Variants in PSMD1 observed in about 807,000 individuals in gnomAD.
PSMD1 encodes proteasome 26S subunit, non-ATPase 1.
Under a neutral mutation model 119.0 loss-of-function variants are expected in PSMD1, and 18 were observed. The observed-to-expected ratio is 0.15, with a 90% CI of 0.10 to 0.22. The LOEUF is 0.22. Among genes scored for constraint, PSMD1 ranks in the 10% least tolerant of loss-of-function variants. The pLI is 1.00. For missense variants in PSMD1, 702 were observed against 1,158.5 expected, an observed-to-expected ratio of 0.61 and a Z score of 5.72; for synonymous variants, 374 against 396.6, an observed-to-expected ratio of 0.94 and a Z score of 0.68.
At chr2:231,157,887 G>A (rs1696549652) in intron 19 of PSMD1, among the ~76,000 whole-genome samples, 1 of 151,964 alleles carries the variant, frequency 6.6e-6, no homozygotes, top group African/African-American at 2.4e-5. Flanking sequence ...GTTCTATACT[G>A]TAGTGTTCAC....
intron 4 of PSMD1, among the ~76,000 whole-genome samples, chr2:231,064,525 G>A (rs1014331685): frequency 1.3e-5 from 2 of 152,156 alleles, no homozygotes; most frequent in African/African-American, 4.8e-5. Context: ...TAATTTTGAG[G>A]TTCCTCTCTG....
chr2:231,088,209 T>C (rs1278280606), intron 16 of PSMD1, among the ~76,000 whole-genome samples: 2 of 152,152 alleles, frequency 1.3e-5, no homozygotes, highest in Non-Finnish European at 2.9e-5. Flanking sequence ...GTATTAATAA[T>C]GGTAATTGTA....
chr2:231,159,733 G>A (rs1156477860), intron 19 of PSMD1, among the ~76,000 whole-genome samples: 1 of 152,142 alleles, frequency 6.6e-6, no homozygotes, highest in Non-Finnish European at 1.5e-5. Context: ...CTGCACTCTA[G>A]AGGAATAGTC....
chr2:231,108,243 C>A, intron 16 of PSMD1: 3 of 331,516 alleles, frequency 9.0e-6, no homozygotes, highest in Non-Finnish European at 1.1e-5. Flanking sequence ...TTTTTAAAGC[C>A]TGAAATTTAT....
At chr2:231,087,218 A>T (rs755352543) in intron 16 of PSMD1, 37 bp downstream of exon 16, 113 of 1,572,664 alleles carry the variant, frequency 7.2e-5, no homozygotes, top group Non-Finnish European at 9.4e-5. Context: ...TTTATATTTC[A>T]TTTTTTTTGG....
rs1167595328 is a variant in PSMD1 at position 231,108,720 on chromosome 2, T to A, written c.1883+21539T>A. On this transcript the variant is annotated intron_variant, in intron 16 of 24. Coordinates refer to ENST00000308696, the MANE Select transcript of PSMD1 (RefSeq NM_002807.4). The stretch of plus-strand genomic sequence containing the variant: ...TCTGCCATTGGATTCCGGAAGTAGA[T>A]CTTACTGGAGCGTTTTCTGAGAGTT... The A allele has an allele frequency of 3.1e-6, 5 of 1,614,028 alleles. No individual in the cohort carries two copies. The highest frequency in any genetic ancestry group is 4.5e-5 in the East Asian group (2 of 44,884).
intron 16 of PSMD1, chr2:231,125,254 A>T (rs2125236153): frequency 6.6e-6 from 1 of 152,336 alleles, no homozygotes; most frequent in African/African-American, 2.4e-5. Flanking sequence ...TTATATTTTT[A>T]AGAGCTCTCT....
chr2:231,147,533 A>G (rs1018301585), intron 18 of PSMD1, among the ~76,000 whole-genome samples: 8 of 152,184 alleles, frequency 5.3e-5, no homozygotes, highest in African/African-American at 1.7e-4. Flanking sequence ...ATAATCTCTC[A>G]GTCCTCAGGT....
At chr2:231,121,526 A>G (rs1216505730) in intron 16 of PSMD1, among the ~76,000 whole-genome samples, 4 of 152,188 alleles carry the variant, frequency 2.6e-5, no homozygotes, top group South Asian at 2.1e-4. Context: ...TGCTAAGGAT[A>G]TGTTGGGTAC....
At chr2:231,084,441 G>C (rs1429760056) in intron 14 of PSMD1, among the ~76,000 whole-genome samples, 1 of 151,874 alleles carries the variant, frequency 6.6e-6, no homozygotes, top group East Asian at 1.9e-4. Flanking sequence ...TCAGAAAACA[G>C]TACCAATCTC....
At chr2:231,116,101 A>G (rs1695322339) in intron 16 of PSMD1, among the ~76,000 whole-genome samples, 1 of 152,100 alleles carries the variant, frequency 6.6e-6, no homozygotes, top group Admixed American at 6.5e-5. Flanking sequence ...TTTGGAGAAA[A>G]TCTAATCAAT....
chr2:231,127,052 C>T (rs144127796), intron 16 of PSMD1, among the ~76,000 whole-genome samples: 69 of 152,062 alleles, frequency 4.5e-4, no homozygotes, highest in African/African-American at 1.6e-3. Flanking sequence ...CAGACGTATA[C>T]ACACACACAA....
intron 16 of PSMD1, among the ~76,000 whole-genome samples, chr2:231,091,364 C>T (rs930747045): frequency 1.3e-5 from 2 of 152,172 alleles, no homozygotes; most frequent in Non-Finnish European, 2.9e-5. Context: ...GCTAAATCCT[C>T]TTGAAGCTTT....
At chr2:231,108,568 G>T in intron 16 of PSMD1, 1 of 1,614,004 alleles carries the variant, frequency 6.2e-7, no homozygotes, top group Non-Finnish European at 8.5e-7. Flanking sequence ...TTTCAGTGAG[G>T]AGAAGCGTAT....
At chr2:231,057,121 G>T in intron 1 of PSMD1, 80 bp downstream of exon 1, 1 of 1,409,506 alleles carries the variant, frequency 7.1e-7, no homozygotes, top group Non-Finnish European at 9.2e-7. Context: ...GCCGGTGACT[G>T]GGCGCCTCCC....
chr2:231,080,321 A>T lies in PSMD1; in HGVS notation c.1413+7A>T, dbSNP rs1310171654. ...TAAGAACGCCAGCAATGATGTAAGT[A>T]TTAAAATGGAAAACTAAATTTCCAA... On this transcript the variant is annotated splice_region_variant and intron_variant, in intron 12 of 24. Coordinates refer to ENST00000308696, the MANE Select transcript of PSMD1 (RefSeq NM_002807.4). 5 of 1,555,224 alleles carry T rather than the reference A, an allele frequency of 3.2e-6. No individual in the cohort carries two copies. The African/African-American group carries it at 6.9e-5, about 21-fold the overall frequency.
At chr2:231,156,769 TAAATC>T (rs1343544301) in intron 19 of PSMD1, among the ~76,000 whole-genome samples, 3 of 152,140 alleles carry the variant, frequency 2.0e-5, no homozygotes, top group African/African-American at 7.2e-5. Flanking sequence ...GTAAAATAGT[TAAATC>T]AAGCTAATTA....
chr2:231,165,771 C>A, intron 22 of PSMD1, 100 bp from the exon 23 acceptor site: 1 of 1,073,134 alleles, frequency 9.3e-7, no homozygotes, highest in Non-Finnish European at 1.3e-6. Context: ...CGACCACTAC[C>A]TCTTGTACCT....
chr2:231,104,005 T>A (rs1364518272), intron 16 of PSMD1, among the ~76,000 whole-genome samples: 1 of 152,150 alleles, frequency 6.6e-6, no homozygotes, highest in Non-Finnish European at 1.5e-5. Flanking sequence ...AATTTTAGTA[T>A]GGAAAGTATA....
Sources: gnomAD v4.1 joint callset for allele counts (sites outside exome capture counted in the v4.1 genomes callset) on GRCh38, gnomAD v4.1.1 for gene constraint, MANE v1.5 for transcripts, NCBI Gene and HGNC (gene_info 2026-07-23, HGNC 2026-07-21) for gene names.